The following ERC1 variants were observed in gnomAD, a reference collection of about 807,000 sequenced individuals.
ERC1 encodes RAB6 interacting protein 2.
In ERC1, 56 loss-of-function variants were observed where a neutral mutation model predicts 132.0. The ratio of observed to expected loss-of-function variants is 0.42; its 90% CI spans 0.34 to 0.53. ERC1 has a LOEUF of 0.53. Ranked by LOEUF, ERC1 falls within the 20% of genes least tolerant of loss-of-function variation. The pLI, the probability that ERC1 is intolerant of heterozygous loss-of-function variation, is 0.03. For missense variants in ERC1, 1,202 were observed against 1,349.9 expected (o/e 0.89, Z 1.72); for synonymous variants, 478 against 476.1 (o/e 1.00, Z -0.05).
chr12:1,462,894 T>C (rs1592205940), intron 18 of ERC1, among the ~76,000 whole-genome samples: 1 of 152,078 alleles, frequency 6.6e-6, no homozygotes, highest in Non-Finnish European at 1.5e-5. Context: ...CAGATTCTGC[T>C]AAAAAGCTAA....
At chr12:1,292,781 C>A (rs142928812) in intron 15 of ERC1, among the ~76,000 whole-genome samples, 1 of 152,076 alleles carries the variant, frequency 6.6e-6, no homozygotes, top group Non-Finnish European at 1.5e-5. Context: ...GAGGCCGAGG[C>A]GGGTGGATCA....
intron 16 of ERC1, among the ~76,000 whole-genome samples, chr12:1,393,973 G>C (rs540835421): frequency 1.1e-4 from 13 of 122,416 alleles, no homozygotes; most frequent in African/African-American, 3.9e-4. Context: ...CTGAGATTTC[G>C]CCACTGCACT....
intron 18 of ERC1, among the ~76,000 whole-genome samples, chr12:1,460,788 C>T (rs968387682): frequency 6.6e-6 from 1 of 150,990 alleles, no homozygotes; most frequent in African/African-American, 2.4e-5. Flanking sequence ...ATAGCCCCCT[C>T]CTCCCAGTTT....
At chr12:1,318,478 G>C (rs1374180111) in intron 15 of ERC1, among the ~76,000 whole-genome samples, 1 of 152,144 alleles carries the variant, frequency 6.6e-6, no homozygotes, top group Non-Finnish European at 1.5e-5. Flanking sequence ...CAAACTGTTC[G>C]GAGTACAGTG....
intron 17 of ERC1, among the ~76,000 whole-genome samples, chr12:1,414,620 A>C (rs2092021088): frequency 6.6e-6 from 1 of 152,104 alleles, no homozygotes; most frequent in South Asian, 2.1e-4. Flanking sequence ...TTCCTATGTA[A>C]GTTAGTTTAT....
rs1555186059 is a variant in ERC1, at chr12:991,260, G to GGTAGTGGCGGCGGCGGCA, written c.-202_-201insAGTAGTGGCGGCGGCGGC. On this transcript the variant is annotated 5_prime_UTR_variant, in exon 1 of 19. Transcript: ENST00000360905. ...GCCGTGCTGTGGCGGCGGCGGCGGC[G>GGTAGTGGCGGCGGCGGCA]GTAGTGGCGGCGGCGGCGGTGCCTG... is the stretch of plus-strand genomic sequence containing the variant. The GGTAGTGGCGGCGGCGGCA allele has an allele frequency of 6.0e-6, 1 of 165,906 alleles. No individual in the cohort carries two copies. Among genetic ancestry groups the GGTAGTGGCGGCGGCGGCA allele is most frequent in the African/African-American group, 2.4e-5 (1 of 41,242 alleles). The allele number at this position is 165,906 out of a possible 1,614,324, so 10.3% of individuals were successfully genotyped here.
At chr12:1,293,806 G>A (rs1223861487) in intron 15 of ERC1, among the ~76,000 whole-genome samples, 2 of 152,048 alleles carry the variant, frequency 1.3e-5, no homozygotes, top group Non-Finnish European at 2.9e-5. Flanking sequence ...ATAAGAGCAT[G>A]TTTACTCTTC....
intron 17 of ERC1, among the ~76,000 whole-genome samples, chr12:1,426,990 T>C (rs1028969744): frequency 6.6e-6 from 1 of 152,256 alleles, no homozygotes; most frequent in African/African-American, 2.4e-5. Flanking sequence ...AGAGCTGCAG[T>C]GCCTGGGACA....
chr12:1,294,051 T>G (rs1012632837), intron 15 of ERC1, among the ~76,000 whole-genome samples: 1 of 152,222 alleles, frequency 6.6e-6, no homozygotes, highest in Non-Finnish European at 1.5e-5. Flanking sequence ...TGGGACTAGT[T>G]AAAATTATGA....
At position 1,102,924 on chromosome 12, in the gene ERC1, A is replaced by T. The variant is rs115338632; in HGVS notation, c.1087-1826A>T. ...TTCAAGCCTACACAAAAGCAGTAAG[A>T]ACTGCATGATGAATCTCCACATGCT... On this transcript the variant is annotated intron_variant, in intron 3 of 18. Coordinates refer to ENST00000360905, the MANE Select transcript of ERC1 (RefSeq NM_178040.4). Among the ~76,000 whole-genome samples, 559 of 152,300 alleles carry T rather than the reference A, an allele frequency of 3.7e-3. 3 individuals carry two copies. The highest frequency in any genetic ancestry group is 0.013 in the African/African-American group (535 of 41,562).
At chr12:1,119,359 ATC>A (rs1946808056) in intron 7 of ERC1, among the ~76,000 whole-genome samples, 1 of 151,856 alleles carries the variant, frequency 6.6e-6, no homozygotes, top group Non-Finnish European at 1.5e-5. Context: ...TTTTGTAACC[ATC>A]TCTTTTAATC....
rs908389947 is a variant in ERC1, at chr12:1,493,118, T to C, written c.*2888T>C. 1.4e-5 allele frequency: 3 copies of C among 217,148 alleles called. No homozygotes were observed. Among genetic ancestry groups the C allele is most frequent in the African/African-American group, 2.2e-5 (1 of 44,454 alleles). The allele number at this position is 217,148 out of a possible 1,614,324, so 13.5% of individuals were successfully genotyped here. ...TAACTGAAGAAGCCCAGTGTGAGCT[T>C]CTCATCTTTTCATATACCTCTAACC... On this transcript the variant is annotated 3_prime_UTR_variant, in exon 19 of 19. Coordinates refer to ENST00000360905, the MANE Select transcript of ERC1 (RefSeq NM_178040.4).
At chr12:1,438,094 T>C (rs1181454057) in intron 17 of ERC1, among the ~76,000 whole-genome samples, 1 of 152,246 alleles carries the variant, frequency 6.6e-6, no homozygotes, top group African/African-American at 2.4e-5. Flanking sequence ...CTGAATTATA[T>C]GATTTTGTGA....
intron 15 of ERC1, among the ~76,000 whole-genome samples, chr12:1,360,398 T>G (rs1221419462): frequency 6.6e-6 from 1 of 152,194 alleles, no homozygotes; most frequent in African/African-American, 2.4e-5. Flanking sequence ...GATTTTACAC[T>G]TACTTCATTG....
intron 3 of ERC1, among the ~76,000 whole-genome samples, chr12:1,084,122 T>A (rs919980614): frequency 7.9e-5 from 12 of 152,198 alleles, no homozygotes; most frequent in Admixed American, 2.6e-4. Context: ...GAGAGAGTGA[T>A]GTAGAGACAC....
intron 16 of ERC1, among the ~76,000 whole-genome samples, chr12:1,401,263 G>A (rs1049199137): frequency 2.6e-5 from 4 of 151,946 alleles, no homozygotes; most frequent in Non-Finnish European, 5.9e-5. Flanking sequence ...AACACCATGT[G>A]AATTTACAGT....
At chr12:1,079,953 T>C (rs1290709309) in intron 2 of ERC1, among the ~76,000 whole-genome samples, 2 of 152,240 alleles carry the variant, frequency 1.3e-5, no homozygotes, top group Non-Finnish European at 2.9e-5. Context: ...AGAATTACAA[T>C]TGTACATACT....
At chr12:1,077,391 A>G (rs1045939367) in intron 2 of ERC1, among the ~76,000 whole-genome samples, 1 of 152,220 alleles carries the variant, frequency 6.6e-6, no homozygotes, top group Admixed American at 6.5e-5. Flanking sequence ...TATGAATAGT[A>G]GTTGTGATCT....
At chr12:1,231,127 GCCTT>G (rs1444216962) in intron 12 of ERC1, among the ~76,000 whole-genome samples, 1 of 148,196 alleles carries the variant, frequency 6.7e-6, no homozygotes, top group African/African-American at 2.5e-5. Context: ...CTCTCTTGCT[GCCTT>G]CCTTTCTGAT....
Sources: allele counts gnomAD v4.1 joint callset (sites outside exome capture counted in the v4.1 genomes callset), GRCh38; gene constraint gnomAD v4.1.1; transcripts MANE v1.5; gene names NCBI Gene and HGNC (gene_info 2026-07-23, HGNC 2026-07-21).